The following ADCY3 variants were observed in gnomAD, a reference collection of about 807,000 sequenced individuals.
ADCY3 encodes the protein adenylate cyclase 3, also known as adenylate cyclase type 3.
ADCY3 carries 70 observed loss-of-function variants against 119.4 expected under a neutral mutation model. The ratio of observed to expected loss-of-function variants is 0.59; its 90% CI spans 0.48 to 0.72. The LOEUF (loss-of-function observed/expected upper bound fraction) is 0.72. ADCY3 is among the 30% of genes least tolerant of loss of function. The pLI is 0.00. For synonymous variants in ADCY3, 672 were observed against 621.4 expected, an observed-to-expected ratio of 1.08 and a Z score of -1.21; for missense variants, 1,238 against 1,541.6, an observed-to-expected ratio of 0.80 and a Z score of 3.30.
rs1670000481 is a variant in ADCY3, at chr2:24,834,356, G to A, written c.1967+129C>T. 1.7e-6 allele frequency: 2 copies of A among 1,189,152 alleles called. No individual in the cohort carries two copies. Among genetic ancestry groups the A allele is most frequent in the Admixed American group, 5.1e-5 (2 of 39,580 alleles). The allele number at this position is 1,189,152 out of a possible 1,614,324, so 73.7% of individuals were successfully genotyped here. ...CCTGGGGCCTGTGGGGGCCGTCCCA[G>A]TGGGGGTCAGGGAGCAGAGACTGGC... is the stretch of plus-strand genomic sequence containing the variant. On this transcript the variant is annotated intron_variant, in intron 11 of 21. Transcript: ENST00000679454. The surrounding 1 kb of genome is among the most constrained non-coding windows in gnomAD (Gnocchi z 4.2).
chr2:24,852,351 G>A lies in ADCY3; in HGVS notation c.826-9967C>T, dbSNP rs114416680. Among the ~76,000 whole-genome samples the A allele has an allele frequency of 2.7e-3, 413 of 152,258 alleles. 1 individual carries two copies. Among genetic ancestry groups the A allele is most frequent in the African/African-American group, 9.4e-3 (389 of 41,552 alleles). On this transcript the variant is annotated intron_variant, in intron 3 of 21. Transcript: ENST00000679454. ...CACCAGGCAGGGGTGGGGGGTACAGGGGCAGTGGTGGTGGCGGCTCCTAGA... is the reference window on the plus strand; with the variant it reads ...CACCAGGCAGGGGTGGGGGGTACAGAGGCAGTGGTGGTGGCGGCTCCTAGA...
chr2:24,865,251 C>A (rs1035372419), intron 3 of ADCY3, among the ~76,000 whole-genome samples: 2 of 152,024 alleles, frequency 1.3e-5, no homozygotes, highest in African/African-American at 2.4e-5. Flanking sequence ...TCAAGACCAG[C>A]CTGGCCAACG....
At chr2:24,829,927 A>C (rs1669233224) in intron 13 of ADCY3, among the ~76,000 whole-genome samples, 1 of 151,562 alleles carries the variant, frequency 6.6e-6, no homozygotes. Context: ...CCTTTTCCCC[A>C]AGAAAGCATT....
intron 3 of ADCY3, among the ~76,000 whole-genome samples, chr2:24,856,921 C>T (rs1375440754): frequency 2.0e-5 from 3 of 152,178 alleles, no homozygotes; most frequent in Non-Finnish European, 2.9e-5. Context: ...GGAGGAGCTG[C>T]ATAACTGTAA....
chr2:24,828,273 C>T, intron 13 of ADCY3, 112 bp from the exon 14 acceptor site: 2 of 1,322,012 alleles, frequency 1.5e-6, no homozygotes, highest in Non-Finnish European at 2.1e-6. Context: ...GCGGCTCCCC[C>T]AGAAATACCG....
At chr2:24,828,839 G>C (rs780630946) in intron 13 of ADCY3, among the ~76,000 whole-genome samples, 34 of 152,114 alleles carry the variant, frequency 2.2e-4, no homozygotes, top group Non-Finnish European at 3.2e-4. Context: ...CAGGTGTCCT[G>C]TACAGTGTCC....
At chr2:24,846,777 C>T (rs1203271202) in intron 3 of ADCY3, among the ~76,000 whole-genome samples, 1 of 152,128 alleles carries the variant, frequency 6.6e-6, no homozygotes, top group African/African-American at 2.4e-5. Context: ...CAAGGTTTCA[C>T]CATGATGGCC....
chr2:24,862,535 G>C (rs906411481), intron 3 of ADCY3, among the ~76,000 whole-genome samples: 5 of 132,966 alleles, frequency 3.8e-5, no homozygotes, highest in African/African-American at 1.7e-4. Context: ...GACAGAGCGA[G>C]ACTCCGCCTC....
At chr2:24,840,747 A>G in intron 6 of ADCY3, 1 of 344,742 alleles carries the variant, frequency 2.9e-6, no homozygotes, top group Non-Finnish European at 6.1e-6. Flanking sequence ...AGTAGGGGAC[A>G]GTGAGGGCAG....
At position 24,872,819 on chromosome 2, in the gene ADCY3, C is replaced by T; in HGVS notation, c.676-100G>A. 7.1e-7 allele frequency: 1 copy of T among 1,400,608 alleles called. No individual in the cohort carries two copies. The highest frequency in any genetic ancestry group is 2.1e-5 in the Admixed American group (1 of 47,760). The allele number at this position is 1,400,608 out of a possible 1,614,324, so 86.8% of individuals were successfully genotyped here. On this transcript the variant is annotated intron_variant, in intron 2 of 21. Coordinates refer to ENST00000679454, the MANE Select transcript of ADCY3 (RefSeq NM_004036.5). The surrounding 1 kb of genome is among the most constrained non-coding windows in gnomAD (Gnocchi z 4.4). ...TGGAGGAGGTGGGGTGGGTGGTGAC[C>T]AAAATCAAACCTCAAGTTGCCCAAT...
At position 24,841,490 on chromosome 2, in the gene ADCY3, A is replaced by G; in HGVS notation, c.1068+66T>C. On this transcript the variant is annotated intron_variant, in intron 5 of 21. Transcript: ENST00000679454. This position sits in a 1 kb window ranked among gnomAD's most constrained non-coding sequence, Gnocchi z 5.8. ...GTGGGAGAAAATCATGGGGCCGGGG[A>G]TGGGGGCCAGGCAGAGGCCATGAGG... 6.3e-7 allele frequency: 1 copy of G among 1,589,968 alleles called. No individual in the cohort carries two copies. The highest frequency in any genetic ancestry group is 1.7e-4 in the Middle Eastern group (1 of 5,810).
chr2:24,845,219 C>T (rs546578711), intron 3 of ADCY3, among the ~76,000 whole-genome samples: 3 of 152,274 alleles, frequency 2.0e-5, no homozygotes, highest in South Asian at 2.1e-4. Flanking sequence ...TACCCAAAAA[C>T]GTGGAAGTGA....
rs1188611851 is a variant in ADCY3, at chr2:24,878,167, C to T, written c.676-5448G>A. ...ACAACATTTTTAGAATAATAAAATG[C>T]ATCTCCCAAATGGATAAACACTTGG... On this transcript the variant is annotated intron_variant, in intron 2 of 21. Transcript: ENST00000679454. The surrounding 1 kb of genome is among the most constrained non-coding windows in gnomAD (Gnocchi z 4.0). 1 of 264,744 alleles carries T rather than the reference C, an allele frequency of 3.8e-6. No homozygotes were observed. The highest frequency in any genetic ancestry group is 7.6e-6 in the Non-Finnish European group (1 of 131,254). 16.4% of individuals were successfully genotyped at this position (264,744 alleles called of 1,614,324 possible).
At position 24,918,747 on chromosome 2, in the gene ADCY3, G is replaced by T; in HGVS notation, c.241C>A (p.Leu81Met). Residue 81 changes from leucine to methionine, a missense_variant, in exon 2 of 22, where the codon CTG becomes ATG. This residue lies in a region of ADCY3 where 227 missense variants were observed against 249.3 expected (regional missense o/e 0.91). Transcript: ENST00000679454. The surrounding 1 kb of genome is among the most constrained non-coding windows in gnomAD (Gnocchi z 5.4). ...TCAAAGAGGGCTGCAAAGACCACCAGCACCAGCAGGGTCTCGTGGCGCTGC... is the reference window on the plus strand; with the variant it reads ...TCAAAGAGGGCTGCAAAGACCACCATCACCAGCAGGGTCTCGTGGCGCTGC... ...KRQRHETLLV[L>M]VVFAALFDCY... The T allele has an allele frequency of 6.2e-7, 1 of 1,614,114 alleles. No individual in the cohort carries two copies. The highest frequency in any genetic ancestry group is 8.5e-7 in the Non-Finnish European group (1 of 1,180,036).
At chr2:24,912,473 C>A (rs900472382) in intron 2 of ADCY3, among the ~76,000 whole-genome samples, 53 of 152,210 alleles carry the variant, frequency 3.5e-4, no homozygotes, top group African/African-American at 1.3e-3. Context: ...ATGCCAATAA[C>A]CCTGGCATCC....
At chr2:24,870,701 G>A (rs1164939261) in intron 3 of ADCY3, among the ~76,000 whole-genome samples, 1 of 152,198 alleles carries the variant, frequency 6.6e-6, no homozygotes, top group Non-Finnish European at 1.5e-5. Flanking sequence ...CTCTGCTGGT[G>A]CCCAGGCTCC....
chr2:24,855,560 C>G (rs1445179238), intron 3 of ADCY3, among the ~76,000 whole-genome samples: 1 of 152,156 alleles, frequency 6.6e-6, no homozygotes, highest in Non-Finnish European at 1.5e-5. Flanking sequence ...TCATTCTCCT[C>G]AGCCTTCAAG....
At position 24,819,987 on chromosome 2, in the gene ADCY3, G is replaced by C. The variant is rs772212679; in HGVS notation, c.3380C>G (p.Thr1127Ser). The change falls in exon 22 of 22, where the codon ACC becomes AGC. Residue 1127 changes from threonine (T) to serine (S), a missense_variant. Thr to Ser is a moderately conservative substitution (Grantham distance 58, BLOSUM62 1). Around this residue, in one of 7 missense-constraint regions of ADCY3, gnomAD observed 86 missense variants for 70.7 expected, o/e 1.22. Transcript: ENST00000679454. ...FFLKGRDKLA[T>S]FPNGPSVTLP... ...TGTGACAGAGGGGCCATTGGGGAAGGTGGCTAGCTTATCCCGCCCCTTCAA... is the reference window on the plus strand; with the variant it reads ...TGTGACAGAGGGGCCATTGGGGAAGCTGGCTAGCTTATCCCGCCCCTTCAA... 31 of 1,613,486 alleles carry C rather than the reference G, an allele frequency of 1.9e-5. No individual in the cohort carries two copies. The highest frequency in any genetic ancestry group is 2.3e-5 in the Non-Finnish European group (27 of 1,179,768).
At position 24,823,367 on chromosome 2, in the gene ADCY3, T is replaced by C. The variant is rs1157855800; in HGVS notation, c.2737-12A>G. 6.2e-7 allele frequency: 1 copy of C among 1,609,334 alleles called. No homozygotes were observed. The highest frequency in any genetic ancestry group is 8.5e-7 in the Non-Finnish European group (1 of 1,178,674). ...TGGCTATACAGCTCCTAAAAAGAGG[T>C]GCGGACAACGTGCTCAAAGCATGTC... On this transcript the variant is annotated splice_polypyrimidine_tract_variant and intron_variant, in intron 17 of 21. Transcript: ENST00000679454.
Sources: allele counts gnomAD v4.1 joint callset (sites outside exome capture counted in the v4.1 genomes callset), GRCh38; gene constraint gnomAD v4.1.1; regional missense constraint gnomAD v4.1.1; non-coding constraint Gnocchi (gnomAD v3.1); transcripts MANE v1.5; gene names NCBI Gene and HGNC (gene_info 2026-07-23, HGNC 2026-07-21).